Variants in ACOXL observed in about 807,000 individuals in gnomAD.
ACOXL encodes the protein acyl-coenzyme A oxidase-like protein.
ACOXL carries 70 observed loss-of-function variants against 71.9 expected under a neutral mutation model. The observed-to-expected ratio is 0.97, with a 90% confidence interval of 0.80 to 1.19. ACOXL has a LOEUF of 1.19. ACOXL is among the 50% of genes most tolerant of loss of function. The pLI is 0.00. For missense variants in ACOXL, 703 were observed against 736.3 expected (o/e 0.95, Z 0.52); for synonymous variants, 253 against 281.6 (o/e 0.90, Z 1.02).
chr2:110,798,797 A>T, intron 6 of ACOXL, 73 bp downstream of exon 6: 1 of 1,393,790 alleles, frequency 7.2e-7, no homozygotes, highest in Non-Finnish European at 1.0e-6. Context: ...ACCATTTCAC[A>T]GAGCTGCTTT....
intron 1 of ACOXL, among the ~76,000 whole-genome samples, chr2:110,767,693 G>A (rs1370770607): frequency 1.3e-5 from 2 of 152,120 alleles, no homozygotes; most frequent in South Asian, 2.1e-4. Flanking sequence ...CTTGCAACAC[G>A]CATGTCACTC....
chr2:111,010,429 GATAAA>G (rs1478712544), intron 14 of ACOXL, among the ~76,000 whole-genome samples: 10 of 151,900 alleles, frequency 6.6e-5, no homozygotes, highest in African/African-American at 2.2e-4. Context: ...GAAAAATATT[GATAAA>G]ATAATCAGAG....
intron 9 of ACOXL, among the ~76,000 whole-genome samples, chr2:110,807,049 A>C (rs1046957955): frequency 1.3e-5 from 2 of 152,344 alleles, no homozygotes; most frequent in South Asian, 4.1e-4. Context: ...GGATGTTATC[A>C]TGGACCAGCC....
intron 17 of ACOXL, among the ~76,000 whole-genome samples, chr2:111,112,601 T>G (rs746847280): frequency 6.6e-5 from 10 of 152,210 alleles, no homozygotes; most frequent in Non-Finnish European, 1.2e-4. Context: ...GGCCAAGGCC[T>G]CTGTGCATTC....
At chr2:111,037,308 G>A (rs372030011) in intron 15 of ACOXL, among the ~76,000 whole-genome samples, 6 of 152,210 alleles carry the variant, frequency 3.9e-5, no homozygotes, top group African/African-American at 1.4e-4. Flanking sequence ...GCTGTCTTTA[G>A]AGACTTCACT....
chr2:110,801,764 G>GA, intron 8 of ACOXL, 40 bp downstream of exon 8: 1 of 1,560,982 alleles, frequency 6.4e-7, no homozygotes, highest in South Asian at 1.1e-5. Flanking sequence ...TGGTGCAGAT[G>GA]ATCTCACTGC....
intron 11 of ACOXL, among the ~76,000 whole-genome samples, chr2:110,920,473 A>G (rs1400679820): frequency 6.6e-6 from 1 of 152,182 alleles, no homozygotes; most frequent in African/African-American, 2.4e-5. Context: ...GGTTCTAAAT[A>G]GACTTTTTGC....
chr2:110,801,648 C>G lies in ACOXL; in HGVS notation c.548-4C>G, dbSNP rs746340058. On this transcript the variant is annotated splice_polypyrimidine_tract_variant and splice_region_variant and intron_variant, in intron 7 of 17. Transcript: ENST00000439055. ...CATCCATTTCCCCTTTCTATTCTTGCCAGGTCTGCATGGTGTGGACAATGG... is the reference window on the plus strand; with the variant it reads ...CATCCATTTCCCCTTTCTATTCTTGGCAGGTCTGCATGGTGTGGACAATGG... 8.7e-6 allele frequency: 14 copies of G among 1,613,542 alleles called. 1 individual carries two copies. The South Asian group carries it at 1.4e-4, about 16-fold the overall frequency.
chr2:110,753,100 T>G (rs1250967657), intron 1 of ACOXL, among the ~76,000 whole-genome samples: 2 of 152,098 alleles, frequency 1.3e-5, no homozygotes, highest in African/African-American at 4.8e-5. Context: ...GAGTTCTCAC[T>G]CTATTAGTTC....
chr2:110,831,786 C>T (rs951592714), intron 9 of ACOXL, among the ~76,000 whole-genome samples: 11 of 152,050 alleles, frequency 7.2e-5, no homozygotes, highest in Non-Finnish European at 1.5e-4. Flanking sequence ...ACCAATTGCC[C>T]GTTGATTCTT....
At chr2:110,904,000 G>A (rs1040721782) in intron 10 of ACOXL, among the ~76,000 whole-genome samples, 1 of 152,264 alleles carries the variant, frequency 6.6e-6, no homozygotes, top group East Asian at 1.9e-4. Context: ...ACCTCTTGCT[G>A]CATCTTTGGG....
chr2:110,822,011 G>A (rs1688670505), intron 9 of ACOXL, among the ~76,000 whole-genome samples: 1 of 151,878 alleles, frequency 6.6e-6, no homozygotes, highest in Non-Finnish European at 1.5e-5. Context: ...ACATGCGGCT[G>A]TATACAAGAT....
chr2:110,910,732 G>T lies in ACOXL; in HGVS notation c.905+1827G>T, dbSNP rs2059622813. Among the ~76,000 whole-genome samples, 6 of 151,966 alleles carry T rather than the reference G, an allele frequency of 3.9e-5. No individual in the cohort carries two copies. In the South Asian group the frequency reaches 1.2e-3, roughly 32 times the overall value. ...TGAGTACTTTTTCATGTGCACATTG[G>T]CCATTGTATATCTTCTCTGTGAAAG... On this transcript the variant is annotated intron_variant, in intron 11 of 17. Coordinates refer to ENST00000439055, the MANE Select transcript of ACOXL (RefSeq NM_001142807.4).
intron 17 of ACOXL, among the ~76,000 whole-genome samples, chr2:111,102,777 G>A (rs906747464): frequency 2.0e-5 from 3 of 152,254 alleles, no homozygotes; most frequent in African/African-American, 7.2e-5. Flanking sequence ...AAACAGAAAT[G>A]ACCCCAGTAT....
chr2:110,876,983 C>T (rs991285395), intron 10 of ACOXL, among the ~76,000 whole-genome samples: 10 of 152,188 alleles, frequency 6.6e-5, no homozygotes, highest in African/African-American at 2.4e-4. Flanking sequence ...AGTCTCTCTA[C>T]TACTCCCCAT....
chr2:111,022,485 G>C (rs1249493018), intron 14 of ACOXL, among the ~76,000 whole-genome samples: 1 of 152,002 alleles, frequency 6.6e-6, no homozygotes, highest in African/African-American at 2.4e-5. Flanking sequence ...AACCGGAAGA[G>C]AGACAGGAAG....
At chr2:110,915,336 T>TATATATATATATATATATATATATA (rs1558721442) in intron 11 of ACOXL, among the ~76,000 whole-genome samples, 1 of 130,818 alleles carries the variant, frequency 7.6e-6, no homozygotes, top group Non-Finnish European at 1.6e-5. Context: ...TATATGCATT[T>TATATATATATATATATATATATATA]TATATATATA....
At chr2:110,878,847 C>G (rs970207583) in intron 10 of ACOXL, among the ~76,000 whole-genome samples, 27 of 151,892 alleles carry the variant, frequency 1.8e-4, no homozygotes, top group Non-Finnish European at 3.7e-4. Context: ...ATCACGAGGT[C>G]AGGAGTTCAA....
chr2:110,860,357 C>T (rs994670890), intron 10 of ACOXL, among the ~76,000 whole-genome samples: 17 of 152,170 alleles, frequency 1.1e-4, no homozygotes, highest in African/African-American at 3.9e-4. Context: ...GTGATCCATT[C>T]GCCTTGGCCT....
Sources: gnomAD v4.1 joint callset for allele counts (sites outside exome capture counted in the v4.1 genomes callset) on GRCh38, gnomAD v4.1.1 for gene constraint, MANE v1.5 for transcripts, NCBI Gene and HGNC (gene_info 2026-07-23, HGNC 2026-07-21) for gene names.